The following IGF2R variants were observed in gnomAD, a reference collection of about 807,000 sequenced individuals.
IGF2R encodes the protein insulin like growth factor 2 receptor.
A neutral mutation model predicts 270.6 loss-of-function variants in IGF2R; 91 were observed. The ratio of observed to expected loss-of-function variants is 0.34; its 90% CI spans 0.28 to 0.40. The LOEUF (loss-of-function observed/expected upper bound fraction) is 0.40, where lower values mean the gene tolerates loss of function less well. IGF2R is among the 10% of genes least tolerant of loss of function. The probability of loss-of-function intolerance (pLI) is 1.00; values close to 1 mark genes in which losing one functional copy is unlikely to be tolerated. For synonymous variants in IGF2R, 1,316 were observed against 1,258.9 expected (o/e 1.05, Z -0.96); for missense variants, 2,805 against 3,188.3 (o/e 0.88, Z 2.90).
chr6:159,983,031 A>G (rs1383540118), intron 1 of IGF2R, among the ~76,000 whole-genome samples: 2 of 152,222 alleles, frequency 1.3e-5, no homozygotes, highest in Middle Eastern at 6.3e-3. Flanking sequence ...GTTTAAAGAT[A>G]TTCTATATCT....
intron 7 of IGF2R, among the ~76,000 whole-genome samples, chr6:160,031,908 C>T (rs1350632641): frequency 2.0e-5 from 3 of 152,114 alleles, no homozygotes; most frequent in Non-Finnish European, 2.9e-5. Flanking sequence ...ACCCCATCAG[C>T]CCCCTTCATG....
chr6:160,002,750 T>C (rs926267858), intron 2 of IGF2R, among the ~76,000 whole-genome samples: 3 of 152,198 alleles, frequency 2.0e-5, no homozygotes, highest in African/African-American at 7.2e-5. Flanking sequence ...ATTCTAAAAT[T>C]TCTAATTCTA....
At chr6:160,029,502 T>A in intron 6 of IGF2R, 48 bp from the exon 7 acceptor site, 3 of 1,216,716 alleles carry the variant, frequency 2.5e-6, no homozygotes, top group Non-Finnish European at 3.7e-6. Context: ...TGAATTTGGA[T>A]GTACTTTATA....
chr6:160,012,413 A>G (rs774267671), intron 4 of IGF2R, among the ~76,000 whole-genome samples: 13 of 152,118 alleles, frequency 8.5e-5, no homozygotes, highest in Non-Finnish European at 1.8e-4. Context: ...GCAGGTTGTA[A>G]AGGAAGAATG....
chr6:160,070,415 G>A (rs985250863), intron 31 of IGF2R, among the ~76,000 whole-genome samples: 1 of 152,202 alleles, frequency 6.6e-6, no homozygotes, highest in African/African-American at 2.4e-5. Context: ...CCGGGTCACA[G>A]GTAGCGCTGC....
intron 30 of IGF2R, among the ~76,000 whole-genome samples, chr6:160,069,051 T>C (rs1001035667): frequency 1.3e-5 from 2 of 151,664 alleles, no homozygotes; most frequent in Non-Finnish European, 2.9e-5. Flanking sequence ...AGATGGGGGG[T>C]GTGACGTGGA....
At chr6:159,986,430 GTTTTT>G (rs5741634) in intron 1 of IGF2R, among the ~76,000 whole-genome samples, 34 of 116,866 alleles carry the variant, frequency 2.9e-4, no homozygotes, top group African/African-American at 6.6e-4. Flanking sequence ...GTGTGTGTGT[GTTTTT>G]TTTTTTTTTT....
Position 160,062,519 on chromosome 6 carries a change from A to G in IGF2R, c.3583-13A>G. ...AAACAGGAAACAAATCAGGCTGCTG[A>G]TTTATATTACAGGGCTCACCAGCAT... On this transcript the variant is annotated splice_polypyrimidine_tract_variant and intron_variant, in intron 25 of 47. Coordinates refer to ENST00000356956, the MANE Select transcript of IGF2R (RefSeq NM_000876.4). The G allele has an allele frequency of 6.2e-7, 1 of 1,603,188 alleles. No individual in the cohort carries two copies. Among genetic ancestry groups the G allele is most frequent in the South Asian group, 1.1e-5 (1 of 90,802 alleles).
intron 4 of IGF2R, among the ~76,000 whole-genome samples, chr6:160,014,899 A>G (rs1462988387): frequency 6.6e-6 from 1 of 152,232 alleles, no homozygotes; most frequent in African/African-American, 2.4e-5. Flanking sequence ...CCCTCTGAGC[A>G]CTAGAGGTTC....
rs747591170 is a variant in IGF2R, at chr6:160,068,398, C to T, written c.4252+13C>T. Reference sequence around the variant, plus strand: ...CAGGCTGGCACTGGTGAGAGAGGGCCTCCTCGTGGGGTGGTGTTTGCAGTG... The same window carrying T: ...CAGGCTGGCACTGGTGAGAGAGGGCTTCCTCGTGGGGTGGTGTTTGCAGTG... On this transcript the variant is annotated intron_variant, in intron 30 of 47. Transcript: ENST00000356956. 9 of 1,612,952 alleles carry T rather than the reference C, an allele frequency of 5.6e-6. No individual in the cohort carries two copies. In the South Asian group the frequency reaches 7.7e-5, roughly 14 times the overall value.
At chr6:160,070,993 TGTG>T (rs1170088265) in intron 31 of IGF2R, among the ~76,000 whole-genome samples, 1 of 151,894 alleles carries the variant, frequency 6.6e-6, no homozygotes, top group Admixed American at 6.5e-5. Flanking sequence ...CTGCCCCACA[TGTG>T]GGGGGCAAAG....
chr6:160,047,160 GAT>G lies in IGF2R; in HGVS notation c.2054_2055del (p.Asp685GlyfsTer10). 6.2e-7 allele frequency: 1 copy of G among 1,613,964 alleles called. No homozygotes were observed. The highest frequency in any genetic ancestry group is 1.3e-5 in the African/African-American group (1 of 75,052). On this transcript the variant is annotated frameshift_variant and splice_region_variant, in exon 16 of 48. Transcript: ENST00000356956. LOFTEE classifies it high-confidence loss of function. ...DSGACQVAKS[D>X]EKTWNLGLSN... Reference sequence around the variant, plus strand: ...GAGAGAAACGTGTGTTTATTTCAGTGATGAGAAGACTTGGAACTTGGGTCTGA... The same window carrying G: ...GAGAGAAACGTGTGTTTATTTCAGTGGAGAAGACTTGGAACTTGGGTCTGA...
intron 35 of IGF2R, among the ~76,000 whole-genome samples, chr6:160,074,508 G>A (rs1490123822): frequency 6.6e-6 from 1 of 152,224 alleles, no homozygotes; most frequent in African/African-American, 2.4e-5. Context: ...GCTGGCCTCA[G>A]GCTCCTGGCC....
chr6:160,002,333 A>T (rs1711541507), intron 2 of IGF2R, among the ~76,000 whole-genome samples: 2 of 152,200 alleles, frequency 1.3e-5, no homozygotes, highest in Admixed American at 6.5e-5. Flanking sequence ...GGAGGCCTCA[A>T]TGAGCTGTAA....
Position 160,061,793 on chromosome 6 carries a change from C to G in IGF2R, c.3447C>G (p.Ser1149Arg). 6.2e-7 allele frequency: 1 copy of G among 1,614,174 alleles called. No individual in the cohort carries two copies. The highest frequency in any genetic ancestry group is 8.5e-7 in the Non-Finnish European group (1 of 1,180,048). ...VGSCLVSEGN[S>R]WNLGVVQMSP... Reference sequence around the variant, plus strand: ...CTTGCTTAGTGTCAGAAGGCAATAGCTGGAATCTGGGTGTGGTGCAGATGA... The same window carrying G: ...CTTGCTTAGTGTCAGAAGGCAATAGGTGGAATCTGGGTGTGGTGCAGATGA... Residue 1149 changes from serine to arginine, a missense_variant, in exon 25 of 48, where the codon AGC becomes AGG. This residue lies in a region of IGF2R where 1,851 missense variants were observed against 2,207.2 expected (regional missense o/e 0.84). Transcript: ENST00000356956.
chr6:160,047,944 A>G, intron 17 of IGF2R, 37 bp downstream of exon 17: 1 of 1,311,144 alleles, frequency 7.6e-7, no homozygotes, highest in South Asian at 1.2e-5. Context: ...TTGGCCTGGT[A>G]CAGATGCTGA....
At chr6:160,079,549 C>A in intron 37 of IGF2R, 31 bp from the exon 38 acceptor site, 1 of 1,385,612 alleles carries the variant, frequency 7.2e-7, no homozygotes, top group Non-Finnish European at 9.4e-7. Flanking sequence ...TGCTGCCACT[C>A]TGCTGACGGC....
chr6:160,032,739 G>A, intron 8 of IGF2R, 26 bp downstream of exon 8: 1 of 1,610,106 alleles, frequency 6.2e-7, no homozygotes, highest in Non-Finnish European at 8.5e-7. Flanking sequence ...CTGCCTCCTG[G>A]CGCTGCTTAG....
intron 4 of IGF2R, among the ~76,000 whole-genome samples, chr6:160,015,836 C>T (rs898033396): frequency 3.3e-5 from 5 of 152,182 alleles, no homozygotes; most frequent in African/African-American, 1.2e-4. Context: ...GTCCTCATGA[C>T]AGTGAGTGAA....
Sources: allele counts gnomAD v4.1 joint callset (sites outside exome capture counted in the v4.1 genomes callset), GRCh38; gene constraint gnomAD v4.1.1; regional missense constraint gnomAD v4.1.1; transcripts MANE v1.5; gene names NCBI Gene and HGNC (gene_info 2026-07-23, HGNC 2026-07-21).